The following NRG1 variants were observed in gnomAD, a reference collection of about 807,000 sequenced individuals.
NRG1 encodes neuregulin 1.
In NRG1, 18 loss-of-function variants were observed where a neutral mutation model predicts 63.8. The observed-to-expected ratio is 0.28, with a 90% confidence interval of 0.19 to 0.42. The LOEUF (loss-of-function observed/expected upper bound fraction) is 0.42, where lower values mean the gene tolerates loss of function less well. Ranked by LOEUF, NRG1 falls within the 10% of genes least tolerant of loss-of-function variation. The pLI, the probability that NRG1 is intolerant of heterozygous loss-of-function variation, is 1.00. For synonymous variants in NRG1, 302 were observed against 301.3 expected (o/e 1.00, Z -0.02); for missense variants, 762 against 814.7 (o/e 0.94, Z 0.79).
intron 1 of NRG1, among the ~76,000 whole-genome samples, chr8:31,844,114 T>C (rs914323144): frequency 6.6e-6 from 1 of 152,200 alleles, no homozygotes; most frequent in Admixed American, 6.5e-5. Context: ...ACTAGTTCAT[T>C]GTTACAGAGT....
chr8:32,548,582 ACGCCCCCGCGCAGCGCGAGCGCCTCAG>A (rs1833417047), exon 1 of NRG1: 4 of 1,305,884 alleles, frequency 3.1e-6, no homozygotes, highest in South Asian at 2.3e-5. Flanking sequence ...GCAACGGGAG[ACGCCCCCGCGCAGCGCGAGCGCCTCAG>A]CGCGGCCGCT....
intron 1 of NRG1, among the ~76,000 whole-genome samples, chr8:32,571,303 C>T (rs1838539984): frequency 6.6e-6 from 1 of 152,176 alleles, no homozygotes; most frequent in Non-Finnish European, 1.5e-5. Context: ...TCCTTTGCAG[C>T]TTGGGATGCT....
chr8:31,739,031 GT>G (rs1814986994), intron 1 of NRG1, among the ~76,000 whole-genome samples: 2 of 152,136 alleles, frequency 1.3e-5, no homozygotes, highest in Admixed American at 1.3e-4. Flanking sequence ...ATCTGTGTGT[GT>G]GTGGTGTGCA....
intron 1 of NRG1, among the ~76,000 whole-genome samples, chr8:31,741,236 G>T (rs1437122293): frequency 6.6e-6 from 1 of 151,876 alleles, no homozygotes; most frequent in Non-Finnish European, 1.5e-5. Flanking sequence ...GGGAACAGGG[G>T]GAGGGTTGAA....
intron 1 of NRG1, among the ~76,000 whole-genome samples, chr8:32,360,403 G>C (rs986784195): frequency 2.0e-5 from 3 of 152,020 alleles, no homozygotes; most frequent in African/African-American, 7.2e-5. Flanking sequence ...TATCTCTATA[G>C]AAAAGATTTT....
intron 1 of NRG1, among the ~76,000 whole-genome samples, chr8:32,056,505 C>T (rs16875655): frequency 0.066 from 10,070 of 152,128 alleles, 1,083 homozygotes; most frequent in African/African-American, 0.23. Context: ...ATTCATCGAG[C>T]CTCAATCATA....
At chr8:32,173,425 G>A (rs1014011967) in intron 1 of NRG1, among the ~76,000 whole-genome samples, 9 of 152,202 alleles carry the variant, frequency 5.9e-5, no homozygotes, top group Non-Finnish European at 1.2e-4. Flanking sequence ...GGAAGAAACT[G>A]CATCCACTAA....
intron 1 of NRG1, among the ~76,000 whole-genome samples, chr8:32,338,801 A>G (rs1215389662): frequency 1.3e-5 from 2 of 152,190 alleles, no homozygotes; most frequent in Non-Finnish European, 2.9e-5. Flanking sequence ...ATGCCTAGGT[A>G]TCCACTCTGT....
At chr8:31,999,489 C>T (rs562365273) in intron 1 of NRG1, among the ~76,000 whole-genome samples, 3 of 152,066 alleles carry the variant, frequency 2.0e-5, no homozygotes, top group East Asian at 3.9e-4. Context: ...TAACTGAAAA[C>T]TTTAGTTCAT....
chr8:32,260,932 G>A (rs187141215), intron 1 of NRG1, among the ~76,000 whole-genome samples: 36 of 152,240 alleles, frequency 2.4e-4, no homozygotes, highest in Admixed American at 1.5e-3. Flanking sequence ...TTAAGTTATG[G>A]AAGAAAAACA....
intron 1 of NRG1, among the ~76,000 whole-genome samples, chr8:31,887,678 T>G (rs1174167075): frequency 6.6e-6 from 1 of 152,100 alleles, no homozygotes; most frequent in Non-Finnish European, 1.5e-5. Context: ...AAGTTAGGTC[T>G]ATAGGGTCAT....
intron 1 of NRG1, among the ~76,000 whole-genome samples, chr8:31,758,973 T>G (rs1302599848): frequency 2.6e-5 from 4 of 152,178 alleles, no homozygotes; most frequent in Non-Finnish European, 4.4e-5. Flanking sequence ...AGTAACTCAC[T>G]GTGGTTTTAA....
intron 1 of NRG1, among the ~76,000 whole-genome samples, chr8:32,503,312 A>G (rs1205702717): frequency 3.3e-5 from 5 of 150,744 alleles, no homozygotes; most frequent in Non-Finnish European, 7.4e-5. Flanking sequence ...AAAAAAAAAA[A>G]AAAAGGAAAT....
Position 32,342,717 on chromosome 8 carries a change from G to C in NRG1, c.38-253111G>C, listed in dbSNP as rs536079509. ...TACAGTTAAATATTGGTGCATATTA[G>C]AAAGATTTCACTTAAATATGACTAC... On this transcript the variant is annotated intron_variant, in intron 1 of 10. Coordinates refer to the NRG1 transcript ENST00000519301. 8.9e-4 allele frequency among the ~76,000 whole-genome samples: 136 copies of C among 152,284 alleles called. 1 individual carries two copies. The South Asian group carries it at 0.013, about 15-fold the overall frequency.
In NRG1 at chr8:31,831,142, C is replaced by T. The variant is rs549240305; in HGVS notation, c.37+191711C>T. Among the ~76,000 whole-genome samples the T allele has an allele frequency of 1.6e-4, 25 of 151,852 alleles. 1 individual carries two copies. The South Asian group carries it at 4.6e-3, about 28-fold the overall frequency. ...TTTGAGACAGAGTCTCACTCTATCA[C>T]CCAGGCTGGAGTGCAGTGGCATGAT... On this transcript the variant is annotated intron_variant, in intron 1 of 10. Coordinates refer to the NRG1 transcript ENST00000519301.
In NRG1 at chr8:32,613,169, C is replaced by T. The variant is rs142350587; in HGVS notation, c.401-1345C>T. Among the ~76,000 whole-genome samples, 1,054 of 152,066 alleles carry T rather than the reference C, an allele frequency of 6.9e-3. 12 individuals carry two copies. Among genetic ancestry groups the T allele is most frequent in the African/African-American group, 0.024 (984 of 41,528 alleles). Reference sequence around the variant, plus strand: ...CATTTTTAGTGGATGTAAGAGCCAACGTAGGCAACTTTGATGTATTGAAAC... The same window carrying T: ...CATTTTTAGTGGATGTAAGAGCCAATGTAGGCAACTTTGATGTATTGAAAC... On this transcript the variant is annotated intron_variant, in intron 3 of 11. Transcript: ENST00000356819.
chr8:31,741,918 A>G (rs1815316133), intron 1 of NRG1, among the ~76,000 whole-genome samples: 1 of 151,996 alleles, frequency 6.6e-6, no homozygotes, highest in Non-Finnish European at 1.5e-5. Flanking sequence ...ATGGCAAAAA[A>G]CTGAAAAAAA....
In NRG1 at chr8:32,754,452, G is replaced by A. The variant is rs74942016; in HGVS notation, c.772G>A (p.Val258Met). 1.9e-6 allele frequency: 3 copies of A among 1,613,814 alleles called. No individual in the cohort carries two copies. The South Asian group carries it at 3.3e-5, about 18-fold the overall frequency. Residue 258 changes from valine to methionine, a missense_variant, in exon 8 of 12, where the codon GTG becomes ATG. By Grantham distance (21) the Val-to-Met change is conservative. Transcript: ENST00000356819. ...CCTCCTTGTGGTCGGCATCATGTGT[G>A]TGGTGGCCTACTGCAAAACCAAGTA...
chr8:32,704,245 C>G (rs1391080417), intron 5 of NRG1, among the ~76,000 whole-genome samples: 1 of 152,148 alleles, frequency 6.6e-6, no homozygotes, highest in Non-Finnish European at 1.5e-5. Flanking sequence ...AAAAGTGTGA[C>G]CACTTGCTGA....
Sources: gnomAD v4.1 joint callset for allele counts (sites outside exome capture counted in the v4.1 genomes callset) on GRCh38, gnomAD v4.1.1 for gene constraint, MANE v1.5 for transcripts, NCBI Gene and HGNC (gene_info 2026-07-23, HGNC 2026-07-21) for gene names.